The following ZNF621 variants were observed in gnomAD, a reference collection of about 807,000 sequenced individuals.
ZNF621 encodes zinc finger protein 621.
A neutral mutation model predicts 12.7 loss-of-function variants in ZNF621; 6 were observed. The observed-to-expected ratio is 0.47, with a 90% CI of 0.26 to 0.93. The LOEUF (loss-of-function observed/expected upper bound fraction) is 0.93, where lower values mean the gene tolerates loss of function less well. Ranked by LOEUF, ZNF621 falls within the 40% of genes least tolerant of loss-of-function variation. ZNF621 has a pLI of 0.15. For synonymous variants in ZNF621, 156 were observed against 190.3 expected (o/e 0.82, Z 1.48); for missense variants, 474 against 524.0 (o/e 0.90, Z 0.93).
chr3:40,529,029 T>G (rs573824435), intron 2 of ZNF621, among the ~76,000 whole-genome samples: 1 of 152,344 alleles, frequency 6.6e-6, no homozygotes, highest in Non-Finnish European at 1.5e-5. Context: ...TTTGCTAGTT[T>G]TTCACACATG....
chr3:40,535,169 C>T lies in ZNF621; in HGVS notation c.*2079C>T, dbSNP rs1335300563. The T allele has an allele frequency of 6.6e-6, 1 of 152,254 alleles. No homozygotes were observed. Among genetic ancestry groups the T allele is most frequent in the Non-Finnish European group, 1.5e-5 (1 of 68,052 alleles). The allele number at this position is 152,254 out of a possible 1,614,324, so 9.4% of individuals were successfully genotyped here. A position where few individuals can be genotyped will look rare whatever the true frequency, so the allele number is the denominator to read the frequency against. ...CTAGAATGAGAACATATGGAGCCAA[C>T]TTGAGTTCGGAAGGGCTGTGGCCAC... On this transcript the variant is annotated 3_prime_UTR_variant, in exon 5 of 5. Transcript: ENST00000339296.
At chr3:40,525,416 C>T (rs1698553132) in intron 1 of ZNF621, 142 bp downstream of exon 1, 2 of 263,872 alleles carry the variant, frequency 7.6e-6, no homozygotes, top group South Asian at 5.6e-5. Context: ...ACCCCAGTCC[C>T]TCTTCTCCTG....
At chr3:40,524,494 G>A (rs1698529075), upstream of ZNF621, among the ~76,000 whole-genome samples, 1 of 152,202 alleles carries the variant, frequency 6.6e-6, no homozygotes, top group Non-Finnish European at 1.5e-5. Flanking sequence ...AAGGGAGAGG[G>A]CTAAAACGGC....
Position 40,533,689 on chromosome 3 carries a change from G to A in ZNF621, c.*599G>A, listed in dbSNP as rs1216537530. The A allele has an allele frequency of 1.3e-5, 2 of 154,058 alleles. No homozygotes were observed. Among genetic ancestry groups the A allele is most frequent in the African/African-American group, 4.8e-5 (2 of 41,436 alleles). The allele number at this position is 154,058 out of a possible 1,614,324, so 9.5% of individuals were successfully genotyped here. A position where few individuals can be genotyped will look rare whatever the true frequency, so the allele number is the denominator to read the frequency against. ...TGGTGTTAGGAAAGTTTGGAAAAGA[G>A]GATATCCCTGTATTAGGCCATTATG... is the stretch of plus-strand genomic sequence containing the variant. On this transcript the variant is annotated 3_prime_UTR_variant, in exon 5 of 5. Transcript: ENST00000339296.
In ZNF621 at chr3:40,539,408, G is replaced by A. The variant is rs759151391; in HGVS notation, c.*6318G>A. The A allele has an allele frequency of 1.3e-4, 20 of 152,332 alleles. No individual in the cohort carries two copies. The highest frequency in any genetic ancestry group is 1.2e-4 in the African/African-American group (5 of 41,578). 9.4% of individuals were successfully genotyped at this position (152,332 alleles called of 1,614,324 possible). Reference sequence around the variant, plus strand: ...AGACTCACTGAAGACTTAGATTATCGTTAACATCTTTTAGCAATAAAATAT... The same window carrying A: ...AGACTCACTGAAGACTTAGATTATCATTAACATCTTTTAGCAATAAAATAT... On this transcript the variant is annotated 3_prime_UTR_variant, in exon 5 of 5. Coordinates refer to ENST00000339296, the MANE Select transcript of ZNF621 (RefSeq NM_198484.5).
At chr3:40,527,425 G>A (rs562215982) in intron 2 of ZNF621, among the ~76,000 whole-genome samples, 2 of 151,224 alleles carry the variant, frequency 1.3e-5, no homozygotes, top group East Asian at 2.0e-4. Flanking sequence ...TCCACCTCCC[G>A]GATTCAAGCA....
rs1236222985 is a variant in ZNF621, at chr3:40,533,053, C to T, written c.1283C>T (p.Ser428Phe). Reference protein sequence around the residue: ...FQGLTPTVKPSPVILTPSSHS... With the variant: ...FQGLTPTVKPFPVILTPSSHS... ...GGTCTTACTCCCACTGTGAAACCTT[C>T]CCCAGTTATTCTCACCCCTTCTTCT... The change falls in exon 5 of 5, where the codon TCC becomes TTC. Residue 428 changes from serine to phenylalanine, a missense_variant. Physicochemically the swap from Ser to Phe is radical, Grantham distance 155. Coordinates refer to ENST00000339296, the MANE Select transcript of ZNF621 (RefSeq NM_198484.5). The T allele has an allele frequency of 2.6e-6, 4 of 1,551,764 alleles. No homozygotes were observed. In the South Asian group the frequency reaches 4.8e-5, roughly 18 times the overall value.
chr3:40,536,063 T>C lies in ZNF621; in HGVS notation c.*2973T>C, dbSNP rs956877939. ...AAAAAACAAACTCCCCAAACCCAAGTTGAAACAAAAAAAACCCCCAGACTG... is the reference window on the plus strand; with the variant it reads ...AAAAAACAAACTCCCCAAACCCAAGCTGAAACAAAAAAAACCCCCAGACTG... On this transcript the variant is annotated 3_prime_UTR_variant, in exon 5 of 5. Transcript: ENST00000339296. 6 of 151,948 alleles carry C rather than the reference T, an allele frequency of 3.9e-5. No homozygotes were observed. The highest frequency in any genetic ancestry group is 1.4e-4 in the African/African-American group (6 of 41,390). 9.4% of individuals were successfully genotyped at this position (151,948 alleles called of 1,614,324 possible).
upstream of ZNF621, among the ~76,000 whole-genome samples, chr3:40,523,800 A>AAAAAAC (rs1553659369): frequency 0.044 from 6,465 of 147,694 alleles, 470 homozygotes; most frequent in African/African-American, 0.15. Flanking sequence ...AGCAAAAAAA[A>AAAAAAC]AAAAAACAAA....
intron 1 of ZNF621, 127 bp downstream of exon 1, chr3:40,525,401 C>T (rs1698552760): frequency 4.4e-6 from 1 of 229,718 alleles, no homozygotes; most frequent in Admixed American, 5.1e-5. Context: ...AATCCGCATT[C>T]AGCCACCCCA....
At position 40,535,748 on chromosome 3, in the gene ZNF621, G is replaced by A. The variant is rs1339503786; in HGVS notation, c.*2658G>A. 3 of 151,952 alleles carry A rather than the reference G, an allele frequency of 2.0e-5. No individual in the cohort carries two copies. Among genetic ancestry groups the A allele is most frequent in the African/African-American group, 7.3e-5 (3 of 41,326 alleles). 9.4% of individuals were successfully genotyped at this position (151,952 alleles called of 1,614,324 possible). ...ATGAAGAAGTCTGAAAATGGGGAAGGGATTTTCAGAATATGTTGAGCAGCT... is the reference window on the plus strand; with the variant it reads ...ATGAAGAAGTCTGAAAATGGGGAAGAGATTTTCAGAATATGTTGAGCAGCT... On this transcript the variant is annotated 3_prime_UTR_variant, in exon 5 of 5. Coordinates refer to ENST00000339296, the MANE Select transcript of ZNF621 (RefSeq NM_198484.5).
chr3:40,529,265 C>G, intron 2 of ZNF621, 54 bp from the exon 3 acceptor site: 3 of 1,594,848 alleles, frequency 1.9e-6, no homozygotes, highest in Non-Finnish European at 2.6e-6. Flanking sequence ...TCAAGCTGCT[C>G]CCTTCTTCCT....
upstream of ZNF621, among the ~76,000 whole-genome samples, chr3:40,523,447 GAA>G (rs1376832239): frequency 6.6e-6 from 1 of 152,150 alleles, no homozygotes; most frequent in Non-Finnish European, 1.5e-5. Context: ...GTGTTCAGGA[GAA>G]GTTATCAGCG....
At position 40,532,852 on chromosome 3, in the gene ZNF621, C is replaced by T. The variant is rs1178595704; in HGVS notation, c.1082C>T (p.Ser361Phe). ...LGPSLVSPQC[S>F]SPAIPPVLLQ... ...CCATCCCTGGTCAGTCCCCAGTGCT[C>T]CTCTCCAGCCATACCTCCTGTTCTT... is the stretch of plus-strand genomic sequence containing the variant. The change falls in exon 5 of 5, where the codon TCC becomes TTC. Residue 361 changes from serine to phenylalanine, a missense_variant. Coordinates refer to ENST00000339296, the MANE Select transcript of ZNF621 (RefSeq NM_198484.5). 6.2e-7 allele frequency: 1 copy of T among 1,612,888 alleles called. No individual in the cohort carries two copies. Among genetic ancestry groups the T allele is most frequent in the Admixed American group, 1.7e-5 (1 of 59,850 alleles).
chr3:40,526,516 T>C (rs1698587189), intron 2 of ZNF621, among the ~76,000 whole-genome samples: 1 of 152,192 alleles, frequency 6.6e-6, no homozygotes, highest in Non-Finnish European at 1.5e-5. Flanking sequence ...CAAATTGTAT[T>C]GTATGTATCC....
upstream of ZNF621, among the ~76,000 whole-genome samples, chr3:40,523,648 C>T (rs72866455): frequency 0.5 from 75,413 of 151,922 alleles, 20,677 homozygotes; most frequent in African/African-American, 0.74. Flanking sequence ...TGCCTGTAGT[C>T]CCAGCTACTC....
In ZNF621 at chr3:40,534,565, A is replaced by G. The variant is rs1321661243; in HGVS notation, c.*1475A>G. The G allele has an allele frequency of 6.6e-6, 1 of 151,166 alleles. No individual in the cohort carries two copies. Among genetic ancestry groups the G allele is most frequent in the African/African-American group, 2.4e-5 (1 of 41,062 alleles). 9.4% of individuals were successfully genotyped at this position (151,166 alleles called of 1,614,324 possible). ...ACATTCTTGGTTTTTAAACTTTACC[A>G]TGTGTCTGAATTACATAGTGTGCTT... On this transcript the variant is annotated 3_prime_UTR_variant, in exon 5 of 5. Coordinates refer to ENST00000339296, the MANE Select transcript of ZNF621 (RefSeq NM_198484.5).
intron 1 of ZNF621, 57 bp from the exon 2 acceptor site, chr3:40,525,722 G>A (rs1698562731): frequency 2.9e-6 from 4 of 1,384,910 alleles, no homozygotes; most frequent in South Asian, 2.3e-5. Flanking sequence ...AGGGCCATAG[G>A]TTGCTGTAGG....
chr3:40,527,303 C>G lies in ZNF621; in HGVS notation c.24+1439C>G, dbSNP rs539398252. ...AAGTGTTGGGATTACAGGCGTGAGC[C>G]ACTGTGCCTGGCAAGTGTTGTCCAT... On this transcript the variant is annotated intron_variant, in intron 2 of 4. Transcript: ENST00000339296. Among the ~76,000 whole-genome samples, 5 of 152,058 alleles carry G rather than the reference C, an allele frequency of 3.3e-5. No homozygotes were observed. The East Asian group carries it at 9.7e-4, about 29-fold the overall frequency.
Sources: allele counts gnomAD v4.1 joint callset (sites outside exome capture counted in the v4.1 genomes callset), GRCh38; gene constraint gnomAD v4.1.1; transcripts MANE v1.5; gene names NCBI Gene and HGNC (gene_info 2026-07-23, HGNC 2026-07-21).